The following MAP2 variants were observed in gnomAD, a reference collection of about 807,000 sequenced individuals.
MAP2 encodes the protein microtubule associated protein 2.
A neutral mutation model predicts 137.6 loss-of-function variants in MAP2; 14 were observed. That is an observed-to-expected ratio of 0.10 (90% confidence interval 0.07 to 0.16). The LOEUF is 0.16. Ranked by LOEUF, MAP2 falls within the 10% of genes least tolerant of loss-of-function variation. The probability of loss-of-function intolerance (pLI) is 1.00; values close to 1 mark genes in which losing one functional copy is unlikely to be tolerated. For synonymous variants in MAP2, 786 were observed against 782.3 expected (o/e 1.00, Z -0.08); for missense variants, 2,088 against 2,191.5 (o/e 0.95, Z 0.94).
chr2:209,691,831 T>C (rs1002760176), intron 7 of MAP2, among the ~76,000 whole-genome samples: 9 of 152,202 alleles, frequency 5.9e-5, no homozygotes. Flanking sequence ...CTCACATGAC[T>C]TCCCAGTATC....
chr2:209,529,412 G>A (rs976579347), intron 2 of MAP2, among the ~76,000 whole-genome samples: 4 of 152,172 alleles, frequency 2.6e-5, no homozygotes, highest in Non-Finnish European at 4.4e-5. Context: ...TTGATGAAGA[G>A]ATGGTAACTG....
chr2:209,682,176 A>T lies in MAP2; in HGVS notation c.454+1349A>T, dbSNP rs1348076761. On this transcript the variant is annotated intron_variant, in intron 7 of 15. Coordinates refer to ENST00000682079, the MANE Select transcript of MAP2 (RefSeq NM_001375505.1). ...TCCAGGTACTCTTCAAATTCTGAGTATATACTAGTGAACAAAACAGACATG... is the reference window on the plus strand; with the variant it reads ...TCCAGGTACTCTTCAAATTCTGAGTTTATACTAGTGAACAAAACAGACATG... Among the ~76,000 whole-genome samples the T allele has an allele frequency of 2.0e-5, 3 of 152,166 alleles. No homozygotes were observed. The East Asian group carries it at 5.8e-4, about 29-fold the overall frequency.
At chr2:209,624,750 C>T (rs998035475) in intron 3 of MAP2, among the ~76,000 whole-genome samples, 16 of 152,132 alleles carry the variant, frequency 1.1e-4, no homozygotes, top group African/African-American at 3.1e-4. Context: ...TAGCTGAAGA[C>T]AATTTAAAAA....
In MAP2 at chr2:209,693,729, C is replaced by T; in HGVS notation, c.1559C>T (p.Ala520Val). The T allele has an allele frequency of 6.2e-7, 1 of 1,613,082 alleles. No homozygotes were observed. Among genetic ancestry groups the T allele is most frequent in the Non-Finnish European group, 8.5e-7 (1 of 1,179,752 alleles). ...ATGACCTCTAAAACACTGGAGAAAG[C>T]CATGACCGAACCATCTGCATTAATT... ...SAMTSKTLEKAMTEPSALIEK... is the reference protein window; with the variant it reads ...SAMTSKTLEKVMTEPSALIEK... The change falls in exon 8 of 16, where the codon GCC becomes GTC. Residue 520 changes from alanine (A) to valine (V), a missense_variant. By Grantham distance (64) the Ala-to-Val change is moderately conservative (BLOSUM62 0). Transcript: ENST00000682079.
intron 2 of MAP2, among the ~76,000 whole-genome samples, chr2:209,571,024 T>C (rs1229098428): frequency 6.6e-6 from 1 of 151,982 alleles, no homozygotes; most frequent in Non-Finnish European, 1.5e-5. Flanking sequence ...ATTTATTTAC[T>C]AAAAGCCAAT....
intron 4 of MAP2, among the ~76,000 whole-genome samples, chr2:209,647,033 C>A (rs2094463366): frequency 6.6e-6 from 1 of 152,104 alleles, no homozygotes; most frequent in Non-Finnish European, 1.5e-5. Context: ...TTCGGGGAGG[C>A]CTCAGAAACC....
Position 209,694,688 on chromosome 2 carries a change from G to T in MAP2, c.2518G>T (p.Val840Phe). 6.2e-7 allele frequency: 1 copy of T among 1,614,152 alleles called. No homozygotes were observed. ...RRKSVPSETV[V>F]EDSRTGLPPV... is the part of the protein sequence containing the mutation. The stretch of plus-strand genomic sequence containing the variant: ...GAAATCAGTCCCATCAGAGACTGTG[G>T]TTGAGGATAGTCGTACTGGCTTGCC... Residue 840 changes from valine to phenylalanine, a missense_variant, in exon 8 of 16, where the codon GTT becomes TTT. Coordinates refer to ENST00000682079, the MANE Select transcript of MAP2 (RefSeq NM_001375505.1).
intron 1 of MAP2, among the ~76,000 whole-genome samples, chr2:209,453,779 CAT>C (rs5838168): frequency 0.13 from 20,282 of 151,940 alleles, 3,290 homozygotes; most frequent in African/African-American, 0.39. Context: ...ATATTTCTCA[CAT>C]GAGTCACTAT....
intron 2 of MAP2, among the ~76,000 whole-genome samples, chr2:209,556,341 G>A (rs189282701): frequency 3.3e-5 from 5 of 152,080 alleles, no homozygotes; most frequent in Admixed American, 2.0e-4. Context: ...ACTGCATCCC[G>A]CCCCAGGCCT....
chr2:209,522,783 C>T (rs909762217), intron 2 of MAP2, among the ~76,000 whole-genome samples: 1 of 152,068 alleles, frequency 6.6e-6, no homozygotes, highest in African/African-American at 2.4e-5. Context: ...GTTGATGCTG[C>T]TCCCTCAGTA....
chr2:209,713,965 G>T (rs913306882), intron 13 of MAP2, among the ~76,000 whole-genome samples: 5 of 152,014 alleles, frequency 3.3e-5, no homozygotes, highest in Non-Finnish European at 4.4e-5. Flanking sequence ...AAGGCAGCGG[G>T]TGGATCACCT....
intron 3 of MAP2, among the ~76,000 whole-genome samples, chr2:209,611,778 C>T (rs1274364147): frequency 2.6e-5 from 4 of 152,070 alleles, no homozygotes; most frequent in African/African-American, 9.7e-5. Flanking sequence ...TCTCACCAAG[C>T]ACAACTGTCT....
rs184695928 is a variant in MAP2 at position 209,643,809 on chromosome 2, A to G, written c.-29-9333A>G. 2.4e-3 allele frequency among the ~76,000 whole-genome samples: 368 copies of G among 152,338 alleles called. 1 individual carries two copies. The highest frequency in any genetic ancestry group is 0.024 in the Middle Eastern group (7 of 294). ...CCATAAGCTAGAATACGAGCAGTCT[A>G]TCTTGTGATTTAACTCCATCAACTC... On this transcript the variant is annotated intron_variant, in intron 4 of 15. Transcript: ENST00000682079.
At chr2:209,662,125 T>G (rs2043937741) in intron 5 of MAP2, among the ~76,000 whole-genome samples, 1 of 152,240 alleles carries the variant, frequency 6.6e-6, no homozygotes, top group African/African-American at 2.4e-5. Flanking sequence ...AATTAAGGTA[T>G]GATTTTATTC....
At chr2:209,533,774 G>A (rs1201676547) in intron 2 of MAP2, among the ~76,000 whole-genome samples, 1 of 152,240 alleles carries the variant, frequency 6.6e-6, no homozygotes, top group Non-Finnish European at 1.5e-5. Flanking sequence ...GGACATCGAT[G>A]TGATGCCACC....
At chr2:209,479,993 T>C (rs1417807043) in intron 1 of MAP2, among the ~76,000 whole-genome samples, 1 of 152,128 alleles carries the variant, frequency 6.6e-6, no homozygotes, top group Non-Finnish European at 1.5e-5. Context: ...GTCACATCAA[T>C]TTGTTTAATT....
intron 2 of MAP2, among the ~76,000 whole-genome samples, chr2:209,568,876 G>A (rs1240436021): frequency 2.0e-5 from 3 of 151,654 alleles, no homozygotes; most frequent in East Asian, 1.9e-4. Flanking sequence ...AAAATCTTCC[G>A]CACTAATTCT....
intron 4 of MAP2, among the ~76,000 whole-genome samples, chr2:209,644,527 T>C (rs2094275036): frequency 6.6e-6 from 1 of 152,118 alleles, no homozygotes; most frequent in Non-Finnish European, 1.5e-5. Flanking sequence ...AGAACCTTTC[T>C]GTGTTTACCC....
At chr2:209,678,355 A>C (rs1420433838) in intron 5 of MAP2, among the ~76,000 whole-genome samples, 1 of 151,928 alleles carries the variant, frequency 6.6e-6, no homozygotes, top group Non-Finnish European at 1.5e-5. Flanking sequence ...TTCTGTGCTC[A>C]TTTTGCTTGC....
Sources: gnomAD v4.1 joint callset for allele counts (sites outside exome capture counted in the v4.1 genomes callset) on GRCh38, gnomAD v4.1.1 for gene constraint, MANE v1.5 for transcripts, NCBI Gene and HGNC (gene_info 2026-07-23, HGNC 2026-07-21) for gene names.